Variants in MYO5B observed in about 807,000 individuals in gnomAD.
MYO5B encodes the protein unconventional myosin-Vb.
In MYO5B, 143 loss-of-function variants were observed where a neutral mutation model predicts 229.3. The observed-to-expected ratio is 0.62, with a 90% CI of 0.54 to 0.72. The LOEUF (loss-of-function observed/expected upper bound fraction) is 0.72. Ranked by LOEUF, MYO5B falls within the 30% of genes least tolerant of loss-of-function variation. MYO5B has a pLI of 0.00. For missense variants in MYO5B, 2,321 were observed against 2,331.0 expected (o/e 1.00, Z 0.09); for synonymous variants, 918 against 885.2 (o/e 1.04, Z -0.66).
At chr18:49,893,640 C>G (rs1430392726) in intron 22 of MYO5B, among the ~76,000 whole-genome samples, 1 of 152,152 alleles carries the variant, frequency 6.6e-6, no homozygotes, top group Non-Finnish European at 1.5e-5. Context: ...TATGGGAAGC[C>G]TGCGTCTTAC....
intron 1 of MYO5B, among the ~76,000 whole-genome samples, chr18:50,145,272 G>C (rs1395465688): frequency 6.6e-6 from 1 of 152,022 alleles, no homozygotes; most frequent in Non-Finnish European, 1.5e-5. Context: ...CAGATCACGA[G>C]GTCAGGAGAT....
chr18:49,994,075 C>T (rs1292937932), intron 5 of MYO5B, among the ~76,000 whole-genome samples: 2 of 152,102 alleles, frequency 1.3e-5, no homozygotes, highest in Admixed American at 6.5e-5. Context: ...TGCACCTAGT[C>T]GACTCATCTT....
intron 17 of MYO5B, among the ~76,000 whole-genome samples, chr18:49,921,319 C>A (rs906173972): frequency 2.1e-5 from 3 of 144,858 alleles, no homozygotes; most frequent in African/African-American, 5.1e-5. Flanking sequence ...CACACACACA[C>A]TTTTCGGGGT....
intron 14 of MYO5B, among the ~76,000 whole-genome samples, chr18:49,938,573 C>T (rs1395216463): frequency 6.6e-6 from 1 of 152,094 alleles, no homozygotes; most frequent in Admixed American, 6.5e-5. Flanking sequence ...TCTCACCTAC[C>T]CTGTGCCCTC....
intron 11 of MYO5B, 101 bp from the exon 12 acceptor site, chr18:49,962,507 G>T: frequency 6.7e-7 from 1 of 1,498,652 alleles, no homozygotes; most frequent in South Asian, 1.1e-5. Flanking sequence ...GGACAGCAGA[G>T]AACTGCCAGA....
At chr18:50,173,451 G>A (rs1248013361) in intron 1 of MYO5B, among the ~76,000 whole-genome samples, 13 of 152,152 alleles carry the variant, frequency 8.5e-5, no homozygotes, top group Non-Finnish European at 1.8e-4. Flanking sequence ...TCCAAAAGAG[G>A]AGTGACAGAG....
chr18:50,023,739 C>A (rs997945347), intron 4 of MYO5B, among the ~76,000 whole-genome samples: 2 of 151,992 alleles, frequency 1.3e-5, no homozygotes, highest in Admixed American at 6.6e-5. Flanking sequence ...AGAGGCAGGC[C>A]CTGGGGCTGT....
intron 4 of MYO5B, among the ~76,000 whole-genome samples, chr18:50,024,942 T>C (rs905436022): frequency 6.6e-6 from 1 of 152,170 alleles, no homozygotes; most frequent in Non-Finnish European, 1.5e-5. Flanking sequence ...TTACGAACTG[T>C]ATAAAATTAA....
intron 1 of MYO5B, among the ~76,000 whole-genome samples, chr18:50,177,275 C>T (rs962318667): frequency 3.3e-5 from 5 of 152,066 alleles, no homozygotes; most frequent in African/African-American, 7.2e-5. Flanking sequence ...GGAAAATAGA[C>T]GCCTCCATAC....
intron 4 of MYO5B, among the ~76,000 whole-genome samples, chr18:50,010,610 A>G (rs1181221941): frequency 6.6e-6 from 1 of 152,240 alleles, no homozygotes; most frequent in Non-Finnish European, 1.5e-5. Context: ...TAGAACTGCT[A>G]ATGTCCAAAA....
At chr18:50,046,052 A>C (rs1245394528) in intron 2 of MYO5B, among the ~76,000 whole-genome samples, 1 of 152,234 alleles carries the variant, frequency 6.6e-6, no homozygotes, top group Admixed American at 6.5e-5. Flanking sequence ...GAAGAGGAGA[A>C]AGAATTGGCT....
chr18:49,886,606 A>G (rs1276621281), intron 22 of MYO5B, among the ~76,000 whole-genome samples: 1 of 149,992 alleles, frequency 6.7e-6, no homozygotes, highest in Non-Finnish European at 1.5e-5. Context: ...AACTAATTAT[A>G]CCAAGTTATT....
chr18:49,860,126 C>A (rs556760819), intron 29 of MYO5B, among the ~76,000 whole-genome samples: 1 of 152,144 alleles, frequency 6.6e-6, no homozygotes, highest in African/African-American at 2.4e-5. Flanking sequence ...GGGAATGCAC[C>A]AGTCTCACTT....
intron 22 of MYO5B, among the ~76,000 whole-genome samples, chr18:49,885,562 C>T (rs1024708666): frequency 6.6e-5 from 10 of 152,172 alleles, no homozygotes; most frequent in Admixed American, 2.6e-4. Context: ...TTCATTTCCT[C>T]CAAATGCATG....
At position 49,962,934 on chromosome 18, in the gene MYO5B, A is replaced by G; in HGVS notation, c.1404+15T>C. ...CCCCAATCCTGGTACCCCCAGGTCT[A>G]GAAACCAAGCCTACCGAGTTGAACT... On this transcript the variant is annotated intron_variant, in intron 11 of 39. Transcript: ENST00000285039. The G allele has an allele frequency of 6.2e-7, 1 of 1,611,480 alleles. No homozygotes were observed. The highest frequency in any genetic ancestry group is 1.3e-5 in the African/African-American group (1 of 74,976).
intron 3 of MYO5B, among the ~76,000 whole-genome samples, chr18:50,037,929 T>C (rs910483236): frequency 2.6e-5 from 4 of 152,198 alleles, no homozygotes; most frequent in Non-Finnish European, 4.4e-5. Context: ...GTGCCTTGTA[T>C]AGTAAGCACT....
intron 2 of MYO5B, among the ~76,000 whole-genome samples, chr18:50,047,636 C>A (rs926701739): frequency 6.6e-6 from 1 of 152,120 alleles, no homozygotes; most frequent in African/African-American, 2.4e-5. Flanking sequence ...AAGACACATG[C>A]ACACGTATGT....
intron 8 of MYO5B, among the ~76,000 whole-genome samples, chr18:49,981,791 T>TC (rs1221252130): frequency 6.6e-6 from 1 of 151,480 alleles, no homozygotes; most frequent in Non-Finnish European, 1.5e-5. Context: ...AGCTTAAAAA[T>TC]CCCCCCCAAA....
chr18:49,841,345 G>A lies in MYO5B; in HGVS notation c.4701+20C>T. On this transcript the variant is annotated intron_variant, in intron 35 of 39. Transcript: ENST00000285039. ...TGGATGAAGCAGGAATGCCTCCTGG[G>A]TGCCTGGCTCCCCACTCACCTCATC... 2 of 1,611,780 alleles carry A rather than the reference G, an allele frequency of 1.2e-6. No individual in the cohort carries two copies. The highest frequency in any genetic ancestry group is 2.2e-5 in the East Asian group (1 of 44,860).
Sources: allele counts gnomAD v4.1 joint callset (sites outside exome capture counted in the v4.1 genomes callset), GRCh38; gene constraint gnomAD v4.1.1; transcripts MANE v1.5; gene names NCBI Gene and HGNC (gene_info 2026-07-23, HGNC 2026-07-21).